The following C8orf74 variants were observed in gnomAD, a reference collection of about 807,000 sequenced individuals.
The protein encoded by C8orf74 is uncharacterized protein C8orf74.
Under a neutral mutation model 22.2 loss-of-function variants are expected in C8orf74, and 29 were observed. That is an observed-to-expected ratio of 1.31 (90% CI 0.97 to 1.78). The LOEUF (loss-of-function observed/expected upper bound fraction) is 1.78, where lower values mean the gene tolerates loss of function less well. Ranked by LOEUF, C8orf74 falls within the 40% of genes most tolerant of loss-of-function variation. C8orf74 has a pLI of 0.00. For synonymous variants in C8orf74, 255 were observed against 163.1 expected, an observed-to-expected ratio of 1.56 and a Z score of -4.30; for missense variants, 515 against 369.9, an observed-to-expected ratio of 1.39 and a Z score of -3.22.
In C8orf74 at chr8:10,700,437, C is replaced by A; in HGVS notation, c.851C>A (p.Ala284Glu). The A allele has an allele frequency of 1.2e-6, 2 of 1,602,690 alleles. No homozygotes were observed. The highest frequency in any genetic ancestry group is 2.7e-5 in the African/African-American group (2 of 74,226). Residue 284 changes from alanine to glutamate, a missense_variant, in exon 4 of 4, where the codon GCG (alanine) becomes GAG (glutamate). Coordinates refer to ENST00000304519, the MANE Select transcript of C8orf74 (RefSeq NM_001040032.2). ...GQEEALKPQR[A>E]SKGKKAKARK ...GAGGAAGCCCTGAAGCCCCAAAGAG[C>A]GAGCAAAGGAAAGAAAGCGAAGGCA...
chr8:10,683,376 C>A (rs1166559409), intron 2 of C8orf74, among the ~76,000 whole-genome samples: 5 of 152,194 alleles, frequency 3.3e-5, no homozygotes. Flanking sequence ...CTCAGGACCC[C>A]TTCCCACATC....
intron 2 of C8orf74, among the ~76,000 whole-genome samples, chr8:10,684,285 C>T (rs1174026084): frequency 6.6e-6 from 1 of 152,200 alleles, no homozygotes; most frequent in Non-Finnish European, 1.5e-5. Context: ...GGCTGCAGAG[C>T]CTGTCCCTTC....
At chr8:10,682,807 C>T (rs568744444) in intron 2 of C8orf74, among the ~76,000 whole-genome samples, 1 of 152,238 alleles carries the variant, frequency 6.6e-6, no homozygotes, top group Non-Finnish European at 1.5e-5. Flanking sequence ...TAGAAACCTT[C>T]CCCTGCCTTC....
chr8:10,694,967 G>T (rs955243936), intron 2 of C8orf74, among the ~76,000 whole-genome samples: 5 of 151,846 alleles, frequency 3.3e-5, no homozygotes, highest in Non-Finnish European at 7.4e-5. Context: ...TGGAAGGATG[G>T]ACGGATGGAT....
chr8:10,685,441 C>A (rs1218311839), intron 2 of C8orf74, among the ~76,000 whole-genome samples: 1 of 152,226 alleles, frequency 6.6e-6, no homozygotes, highest in Non-Finnish European at 1.5e-5. Flanking sequence ...TCTATCCATA[C>A]AATGGAATAT....
intron 2 of C8orf74, among the ~76,000 whole-genome samples, chr8:10,679,214 G>T (rs998182488): frequency 6.6e-6 from 1 of 152,148 alleles, no homozygotes; most frequent in Non-Finnish European, 1.5e-5. Context: ...CTGGAACGGT[G>T]GTCAGCATAG....
At chr8:10,699,558 G>A (rs556008863) in intron 3 of C8orf74, among the ~76,000 whole-genome samples, 1 of 152,356 alleles carries the variant, frequency 6.6e-6, no homozygotes, top group East Asian at 1.9e-4. Context: ...GAGAAACACA[G>A]TTACGTGGTC....
rs376049385 is a variant in C8orf74 at position 10,690,289 on chromosome 8, A to T, written c.242-7310A>T. Among the ~76,000 whole-genome samples the T allele has an allele frequency of 4.6e-4, 70 of 152,284 alleles. 1 individual carries two copies. The South Asian group carries it at 0.014, about 30-fold the overall frequency. On this transcript the variant is annotated intron_variant, in intron 2 of 3. Coordinates refer to ENST00000304519, the MANE Select transcript of C8orf74 (RefSeq NM_001040032.2). ...GCTGGGAGACCGAGTGACCCAGAGCATGCATGGCACAAGGCGGTGGGTGCT... is the reference window on the plus strand; with the variant it reads ...GCTGGGAGACCGAGTGACCCAGAGCTTGCATGGCACAAGGCGGTGGGTGCT...
chr8:10,683,774 G>T (rs918573522), intron 2 of C8orf74, among the ~76,000 whole-genome samples: 1 of 152,216 alleles, frequency 6.6e-6, no homozygotes, highest in Non-Finnish European at 1.5e-5. Context: ...CGTCTTTCCG[G>T]TGTCTGAGCA....
chr8:10,685,870 C>T (rs923862387), intron 2 of C8orf74, among the ~76,000 whole-genome samples: 2 of 152,106 alleles, frequency 1.3e-5, no homozygotes, highest in South Asian at 2.1e-4. Context: ...GAGATTGAGA[C>T]CATCCTGGCT....
chr8:10,685,792 G>A (rs149285600), intron 2 of C8orf74, among the ~76,000 whole-genome samples: 2,224 of 152,316 alleles, frequency 0.015, 30 homozygotes, highest in South Asian at 0.049. Context: ...ATAATCGGCC[G>A]GGTAAAGTGG....
In C8orf74 at chr8:10,672,631, C is replaced by G. The variant is rs1586025131; in HGVS notation, c.-35C>G. 1 of 1,554,724 alleles carries G rather than the reference C, an allele frequency of 6.4e-7. No individual in the cohort carries two copies. The highest frequency in any genetic ancestry group is 2.4e-5 in the East Asian group (1 of 41,212). ...AGGGTTCCGGAAACTCTGAGTCAGT[C>G]TGGCTCCGTCTCCTGGCAACCAGAT... On this transcript the variant is annotated 5_prime_UTR_variant, in exon 1 of 4. Transcript: ENST00000304519.
At chr8:10,680,909 C>G (rs891234543) in intron 2 of C8orf74, among the ~76,000 whole-genome samples, 1 of 152,150 alleles carries the variant, frequency 6.6e-6, no homozygotes, top group Admixed American at 6.6e-5. Flanking sequence ...GCAGGCAGCC[C>G]AGGCAGGAGC....
intron 2 of C8orf74, chr8:10,688,463 T>A (rs890093282): frequency 2.6e-5 from 4 of 152,218 alleles, no homozygotes; most frequent in African/African-American, 9.7e-5. Flanking sequence ...ATACCAGACA[T>A]ACCCTACTGC....
intron 2 of C8orf74, among the ~76,000 whole-genome samples, chr8:10,693,177 C>T (rs766195405): frequency 3.3e-5 from 5 of 152,182 alleles, no homozygotes; most frequent in East Asian, 1.9e-4. Context: ...CCTTCCTCCC[C>T]GACCTTTCAG....
intron 2 of C8orf74, among the ~76,000 whole-genome samples, chr8:10,696,853 A>C (rs1799527756): frequency 6.6e-6 from 1 of 152,072 alleles, no homozygotes; most frequent in Non-Finnish European, 1.5e-5. Flanking sequence ...AACTCTTTAA[A>C]ACAGGCATCA....
intron 2 of C8orf74, among the ~76,000 whole-genome samples, chr8:10,696,392 A>G (rs907723607): frequency 7.9e-5 from 12 of 151,244 alleles, no homozygotes; most frequent in African/African-American, 2.9e-4. Context: ...GGTATCAATC[A>G]ATCACTGCCT....
chr8:10,698,477 C>G (rs922810577), intron 3 of C8orf74, among the ~76,000 whole-genome samples: 4 of 152,158 alleles, frequency 2.6e-5, no homozygotes, highest in African/African-American at 9.6e-5. Context: ...ACCAGGGAGA[C>G]AAAGGCTGGA....
chr8:10,684,980 T>C (rs1451127367), intron 2 of C8orf74, among the ~76,000 whole-genome samples: 1 of 152,006 alleles, frequency 6.6e-6, no homozygotes, highest in Non-Finnish European at 1.5e-5. Flanking sequence ...AGAGTGGGGG[T>C]CCTCTGAAGG....
Sources: allele counts gnomAD v4.1 joint callset (sites outside exome capture counted in the v4.1 genomes callset), GRCh38; gene constraint gnomAD v4.1.1; transcripts MANE v1.5; gene names NCBI Gene and HGNC (gene_info 2026-07-23, HGNC 2026-07-21).